HMGCLL1: variants seen among roughly 807,000 people sequenced by gnomAD.
HMGCLL1 encodes 3-hydroxy-3-methylglutaryl-CoA lyase like 1.
In HMGCLL1, 36 loss-of-function variants were observed where a neutral mutation model predicts 39.1. That is an observed-to-expected ratio of 0.92 (90% CI 0.71 to 1.22). The LOEUF (loss-of-function observed/expected upper bound fraction) is 1.22, where lower values mean the gene tolerates loss of function less well. Among genes scored for constraint, HMGCLL1 ranks in the 50% most tolerant of loss-of-function variants. The pLI is 0.00. For missense variants in HMGCLL1, 451 were observed against 416.5 expected (o/e 1.08, Z -0.72); for synonymous variants, 149 against 144.0 (o/e 1.03, Z -0.25).
chr6:55,606,578 A>T, the HMGCLL1 span, among the ~76,000 whole-genome samples: 1 of 152,134 alleles, frequency 6.6e-6, no homozygotes, highest in Admixed American at 6.6e-5. Context: ...AAATTTATAA[A>T]AATATTTAGG....
chr6:55,616,235 T>C, the HMGCLL1 span, among the ~76,000 whole-genome samples: 1 of 152,234 alleles, frequency 6.6e-6, no homozygotes, highest in South Asian at 2.1e-4. Flanking sequence ...TTCACAAACA[T>C]GATACAAAAT....
chr6:55,440,433 T>C (rs1763544381), intron 7 of HMGCLL1, among the ~76,000 whole-genome samples: 1 of 152,094 alleles, frequency 6.6e-6, no homozygotes, highest in Non-Finnish European at 1.5e-5. Flanking sequence ...GATTATGCAC[T>C]TGGGGATATC....
At chr6:55,530,722 G>T (rs1479900495) in intron 3 of HMGCLL1, among the ~76,000 whole-genome samples, 1 of 151,768 alleles carries the variant, frequency 6.6e-6, no homozygotes, top group African/African-American at 2.4e-5. Context: ...TATTACTTTC[G>T]GCATTCATGT....
chr6:55,631,668 A>T, the HMGCLL1 span, among the ~76,000 whole-genome samples: 1 of 152,134 alleles, frequency 6.6e-6, no homozygotes, highest in African/African-American at 2.4e-5. Context: ...GCAATAATTC[A>T]TTGATTACTA....
chr6:55,456,690 T>C (rs1431058076), intron 7 of HMGCLL1, among the ~76,000 whole-genome samples: 2 of 152,274 alleles, frequency 1.3e-5, no homozygotes, highest in South Asian at 4.2e-4. Flanking sequence ...TTTCTTTGTG[T>C]CCTCCAATGC....
chr6:55,508,602 T>C (rs1767282946), intron 5 of HMGCLL1, among the ~76,000 whole-genome samples: 1 of 151,858 alleles, frequency 6.6e-6, no homozygotes, highest in Admixed American at 6.6e-5. Context: ...AACTTCTAAA[T>C]GTTCATTTTT....
chr6:55,652,576 T>A, the HMGCLL1 span, among the ~76,000 whole-genome samples: 1 of 152,118 alleles, frequency 6.6e-6, no homozygotes, highest in Admixed American at 6.6e-5. Flanking sequence ...TCCTGAATGA[T>A]TCTGTGGTTC....
chr6:55,516,686 T>A (rs1767758712), intron 3 of HMGCLL1, 83 bp from the exon 4 acceptor site: 1 of 833,314 alleles, frequency 1.2e-6, no homozygotes, highest in African/African-American at 1.7e-5. Flanking sequence ...AGGTTATAGT[T>A]ACATGGACAG....
At chr6:55,635,498 G>A in the HMGCLL1 span, among the ~76,000 whole-genome samples, 1 of 152,082 alleles carries the variant, frequency 6.6e-6, no homozygotes. Flanking sequence ...AGTTTCATAT[G>A]TATTATATTT....
At chr6:55,545,843 AG>A (rs1181159454) in intron 1 of HMGCLL1, among the ~76,000 whole-genome samples, 1 of 152,186 alleles carries the variant, frequency 6.6e-6, no homozygotes, top group Non-Finnish European at 1.5e-5. Flanking sequence ...AAGAGACTAA[AG>A]ATCAGTAAGA....
At chr6:55,620,013 C>T in the HMGCLL1 span, among the ~76,000 whole-genome samples, 1 of 152,060 alleles carries the variant, frequency 6.6e-6, no homozygotes, top group Non-Finnish European at 1.5e-5. Context: ...TTGTAAACAA[C>T]GGGATCTTAT....
intron 7 of HMGCLL1, among the ~76,000 whole-genome samples, chr6:55,480,092 G>A (rs920811095): frequency 1.3e-5 from 2 of 151,500 alleles, no homozygotes; most frequent in Admixed American, 6.6e-5. Context: ...ATACCCTACA[G>A]AGCAAAAGTG....
At chr6:55,573,599 A>C (rs1771624468) in intron 1 of HMGCLL1, among the ~76,000 whole-genome samples, 1 of 152,144 alleles carries the variant, frequency 6.6e-6, no homozygotes, top group South Asian at 2.1e-4. Flanking sequence ...AGAAGAAATT[A>C]CTGAAATGGA....
intron 1 of HMGCLL1, among the ~76,000 whole-genome samples, chr6:55,547,868 C>T (rs1402907540): frequency 6.6e-6 from 1 of 151,922 alleles, no homozygotes; most frequent in African/African-American, 2.4e-5. Flanking sequence ...ATGAGAAATA[C>T]AAACTATTAT....
At chr6:55,648,180 T>G in the HMGCLL1 span, among the ~76,000 whole-genome samples, 1 of 143,634 alleles carries the variant, frequency 7.0e-6, no homozygotes, top group African/African-American at 2.6e-5. Context: ...TGTTGGACAT[T>G]TGGGTTGGTT....
chr6:55,523,999 T>TC (rs1227530171), intron 3 of HMGCLL1, among the ~76,000 whole-genome samples: 1 of 151,954 alleles, frequency 6.6e-6, no homozygotes, highest in African/African-American at 2.4e-5. Context: ...ATATCAAAAT[T>TC]CCTCCGTGTG....
At chr6:55,484,590 C>T (rs1765915692) in intron 7 of HMGCLL1, among the ~76,000 whole-genome samples, 1 of 152,046 alleles carries the variant, frequency 6.6e-6, no homozygotes, top group Non-Finnish European at 1.5e-5. Context: ...TAGCCTTTTC[C>T]ATTTTGGTTG....
chr6:55,602,293 A>G, the HMGCLL1 span, among the ~76,000 whole-genome samples: 143 of 152,266 alleles, frequency 9.4e-4, 1 homozygote, highest in Admixed American at 9.3e-3. Flanking sequence ...CCCACAAAAA[A>G]TGAATATCCA....
the HMGCLL1 span, among the ~76,000 whole-genome samples, chr6:55,676,982 T>C: frequency 2.6e-5 from 4 of 152,380 alleles, no homozygotes; most frequent in African/African-American, 9.6e-5. Context: ...CACATAGTTA[T>C]AGTTGTGGAA....
Sources: allele counts gnomAD v4.1 joint callset (sites outside exome capture counted in the v4.1 genomes callset), GRCh38; gene constraint gnomAD v4.1.1; transcripts MANE v1.5; gene names NCBI Gene and HGNC (gene_info 2026-07-23, HGNC 2026-07-21).